Variants in P3H2 observed in about 807,000 individuals in gnomAD.
P3H2 encodes the protein leprecan-like 1.
A neutral mutation model predicts 87.0 loss-of-function variants in P3H2; 80 were observed. The observed-to-expected ratio is 0.92, with a 90% confidence interval of 0.77 to 1.11. The LOEUF (loss-of-function observed/expected upper bound fraction) is 1.11, where lower values mean the gene tolerates loss of function less well. Ranked by LOEUF, P3H2 falls within the 50% of genes least tolerant of loss-of-function variation. P3H2 has a pLI of 0.00. For missense variants in P3H2, 1,001 were observed against 923.9 expected (o/e 1.08, Z -1.08); for synonymous variants, 367 against 359.3 (o/e 1.02, Z -0.24).
At chr3:190,027,607 G>T (rs1054522633) in intron 1 of P3H2, among the ~76,000 whole-genome samples, 21 of 146,936 alleles carry the variant, frequency 1.4e-4, no homozygotes, top group African/African-American at 4.2e-4. Context: ...TGGTGCAAAA[G>T]TAATTGCGGT....
At position 190,001,575 on chromosome 3, in the gene P3H2, C is replaced by T. The variant is rs146280542; in HGVS notation, c.481-6133G>A. Among the ~76,000 whole-genome samples, 508 of 152,294 alleles carry T rather than the reference C, an allele frequency of 3.3e-3. 2 individuals carry two copies. Among genetic ancestry groups the T allele is most frequent in the African/African-American group, 0.012 (495 of 41,566 alleles). On this transcript the variant is annotated intron_variant, in intron 1 of 14. Transcript: ENST00000319332. ...AGATTTTTAACTCCCAAGTGACAAG[C>T]ATGTAAGCTGACACTGAAGACATCC...
intron 1 of P3H2, among the ~76,000 whole-genome samples, chr3:190,088,114 T>G (rs1727286808): frequency 6.6e-6 from 1 of 152,150 alleles, no homozygotes; most frequent in Non-Finnish European, 1.5e-5. Flanking sequence ...GAAATAATCT[T>G]TATTTCAATA....
At chr3:190,041,363 T>C (rs2108955066) in intron 1 of P3H2, among the ~76,000 whole-genome samples, 1 of 151,472 alleles carries the variant, frequency 6.6e-6, no homozygotes, top group African/African-American at 2.4e-5. Flanking sequence ...CTTTTTAGCA[T>C]ATTAAGAGTA....
intron 1 of P3H2, among the ~76,000 whole-genome samples, chr3:190,051,917 C>A (rs144253097): frequency 6.6e-6 from 1 of 152,298 alleles, no homozygotes; most frequent in Non-Finnish European, 1.5e-5. Flanking sequence ...ATTTGAAAGG[C>A]TTCTTCACCC....
At chr3:190,018,269 AAATAAT>A (rs904264975) in intron 1 of P3H2, among the ~76,000 whole-genome samples, 4 of 152,320 alleles carry the variant, frequency 2.6e-5, no homozygotes, top group African/African-American at 4.8e-5. Flanking sequence ...CATTTCTACA[AAATAAT>A]AATAATAACA....
Position 190,120,347 on chromosome 3 carries a change from C to G in P3H2, c.385G>C (p.Gly129Arg), listed in dbSNP as rs200731219. 1.6e-5 allele frequency: 26 copies of G among 1,582,124 alleles called. No homozygotes were observed. The highest frequency in any genetic ancestry group is 2.3e-5 in the South Asian group (2 of 87,250). ...CYRSCETQRL[G>R]GPASRHRVSE... ...ACGCGGTGGCGGGATGCGGGGCCCC[C>G]GAGGCGCTGGGTCTCACAGCTGCGA... Residue 129 changes from glycine to arginine, a missense_variant, in exon 1 of 15, where the codon GGG becomes CGG. Gly to Arg is a moderately radical substitution (Grantham distance 125). Transcript: ENST00000319332.
chr3:190,110,612 A>G (rs1712034803), intron 1 of P3H2, among the ~76,000 whole-genome samples: 1 of 152,206 alleles, frequency 6.6e-6, no homozygotes, highest in Non-Finnish European at 1.5e-5. Context: ...GTGGAGAAAT[A>G]ATTTGTATGG....
At chr3:190,037,701 T>C (rs1315783669) in intron 1 of P3H2, among the ~76,000 whole-genome samples, 2 of 152,214 alleles carry the variant, frequency 1.3e-5, no homozygotes, top group Non-Finnish European at 2.9e-5. Context: ...GGTAAGACAT[T>C]TTAATAAAGT....
intron 1 of P3H2, among the ~76,000 whole-genome samples, chr3:190,026,292 G>A (rs1725082240): frequency 6.6e-6 from 1 of 152,166 alleles, no homozygotes; most frequent in Non-Finnish European, 1.5e-5. Context: ...ATCTTGAGTA[G>A]TGGCTGGGTA....
At chr3:190,015,893 A>T (rs1046905879) in intron 1 of P3H2, among the ~76,000 whole-genome samples, 4 of 152,070 alleles carry the variant, frequency 2.6e-5, no homozygotes, top group African/African-American at 9.7e-5. Flanking sequence ...CAGTTAGGGG[A>T]CATTTGGGTG....
At chr3:190,120,002 C>T (rs528352503) in intron 1 of P3H2, among the ~76,000 whole-genome samples, 1 of 152,286 alleles carries the variant, frequency 6.6e-6, no homozygotes, top group African/African-American at 2.4e-5. Context: ...TTAAACATCA[C>T]CTTATCAGGA....
intron 1 of P3H2, among the ~76,000 whole-genome samples, chr3:190,053,504 C>T (rs187356380): frequency 6.9e-6 from 1 of 145,602 alleles, no homozygotes; most frequent in East Asian, 2.1e-4. Context: ...AGGCCCCAGT[C>T]TGGAGTGCAA....
At chr3:190,107,916 T>C (rs1560404482) in intron 1 of P3H2, among the ~76,000 whole-genome samples, 1 of 152,204 alleles carries the variant, frequency 6.6e-6, no homozygotes, top group Admixed American at 6.5e-5. Context: ...TCCAATAGTA[T>C]TTTTTGTTTT....
chr3:190,033,766 G>A (rs1249284914), intron 1 of P3H2, among the ~76,000 whole-genome samples: 1 of 152,152 alleles, frequency 6.6e-6, no homozygotes, highest in African/African-American at 2.4e-5. Flanking sequence ...CATGATTTAA[G>A]CTATTTGCAA....
At chr3:189,980,452 A>C (rs978008280) in intron 8 of P3H2, among the ~76,000 whole-genome samples, 3 of 151,962 alleles carry the variant, frequency 2.0e-5, no homozygotes, top group Admixed American at 6.6e-5. Context: ...AGTCCTAGCT[A>C]CTCAGGAGGC....
intron 1 of P3H2, among the ~76,000 whole-genome samples, chr3:190,104,217 A>G (rs898186963): frequency 6.6e-6 from 1 of 152,190 alleles, no homozygotes; most frequent in African/African-American, 2.4e-5. Flanking sequence ...TGCTCTCTCT[A>G]GTCAAAGGAT....
At chr3:189,965,734 C>T (rs1226485764) in intron 13 of P3H2, among the ~76,000 whole-genome samples, 1 of 151,878 alleles carries the variant, frequency 6.6e-6, no homozygotes, top group African/African-American at 2.4e-5. Context: ...GCCTATAATC[C>T]CAGCACTTTA....
chr3:190,118,583 T>C (rs1041414080), intron 1 of P3H2, among the ~76,000 whole-genome samples: 1 of 151,638 alleles, frequency 6.6e-6, no homozygotes, highest in African/African-American at 2.4e-5. Flanking sequence ...GGATTCAGAC[T>C]TTCTCCTCAT....
At chr3:189,986,979 G>A (rs1220271093) in intron 5 of P3H2, 102 bp from the exon 6 acceptor site, 1 of 796,202 alleles carries the variant, frequency 1.3e-6, no homozygotes, top group South Asian at 1.4e-5. Context: ...AGTCACAAAT[G>A]AGCTAACAAA....
Sources: gnomAD v4.1 joint callset for allele counts (sites outside exome capture counted in the v4.1 genomes callset) on GRCh38, gnomAD v4.1.1 for gene constraint, MANE v1.5 for transcripts, NCBI Gene and HGNC (gene_info 2026-07-23, HGNC 2026-07-21) for gene names.